The following RBM27 variants were observed in gnomAD, a reference collection of about 807,000 sequenced individuals.
RBM27 encodes the protein RNA binding motif protein 27, also known as RNA-binding protein 27.
A neutral mutation model predicts 135.3 loss-of-function variants in RBM27; 22 were observed. The ratio of observed to expected loss-of-function variants is 0.16; its 90% CI spans 0.12 to 0.23. The LOEUF (loss-of-function observed/expected upper bound fraction) is 0.23. Ranked by LOEUF, RBM27 falls within the 10% of genes least tolerant of loss-of-function variation. RBM27 has a pLI of 1.00. For synonymous variants in RBM27, 481 were observed against 442.4 expected (o/e 1.09, Z -1.10); for missense variants, 1,009 against 1,281.0 (o/e 0.79, Z 3.24).
chr5:146,269,735 A>G (rs1581230085), intron 17 of RBM27, 151 bp downstream of exon 17: 2 of 223,716 alleles, frequency 8.9e-6, no homozygotes, highest in Non-Finnish European at 1.7e-5. Context: ...AATCCTAATT[A>G]TAGTACCTTT....
chr5:146,259,835 C>G (rs1472427627), intron 11 of RBM27, among the ~76,000 whole-genome samples: 2 of 149,214 alleles, frequency 1.3e-5, no homozygotes, highest in Non-Finnish European at 1.5e-5. Context: ...TAGCCGGGCG[C>G]AGTGGCGGGC....
At chr5:146,204,972 A>T (rs566323471) in intron 1 of RBM27, among the ~76,000 whole-genome samples, 2 of 151,992 alleles carry the variant, frequency 1.3e-5, no homozygotes. Context: ...ATTTCGGCTC[A>T]CTGCAACCTC....
At chr5:146,224,948 C>G (rs774247842) in intron 3 of RBM27, among the ~76,000 whole-genome samples, 1 of 152,040 alleles carries the variant, frequency 6.6e-6, no homozygotes, top group Admixed American at 6.6e-5. Flanking sequence ...TGTCTTTTCA[C>G]CCCTAAGTAA....
chr5:146,269,100 A>C, intron 15 of RBM27, 107 bp from the exon 16 acceptor site: 2 of 670,374 alleles, frequency 3.0e-6, no homozygotes, highest in Non-Finnish European at 5.0e-6. Flanking sequence ...GGTGTCAGCT[A>C]TTTTTTTATT....
intron 8 of RBM27, among the ~76,000 whole-genome samples, chr5:146,245,745 G>A (rs773509293): frequency 1.4e-4 from 22 of 152,002 alleles, no homozygotes; most frequent in Admixed American, 5.9e-4. Flanking sequence ...GAGACTCAAC[G>A]GTATTGTAAA....
At position 146,229,866 on chromosome 5, in the gene RBM27, G is replaced by T; in HGVS notation, c.545G>T (p.Arg182Leu). ...KSRGLSRSRS[R>L]SRGRSKDRDP... is the part of the protein sequence containing the mutation. Reference sequence around the variant, plus strand: ...CGAGGCCTGAGTCGCAGTAGAAGCCGAAGTAGGGGGCGCAGCAAAGACCGG... The same window carrying T: ...CGAGGCCTGAGTCGCAGTAGAAGCCTAAGTAGGGGGCGCAGCAAAGACCGG... The change falls in exon 5 of 21, where the codon CGA becomes CTA. Residue 182 changes from arginine (R) to leucine (L), a missense_variant. Physicochemically the swap from Arg to Leu is moderately radical, Grantham distance 102. Coordinates refer to ENST00000265271, the MANE Select transcript of RBM27 (RefSeq NM_018989.2). 6.2e-7 allele frequency: 1 copy of T among 1,613,970 alleles called. No individual in the cohort carries two copies. The highest frequency in any genetic ancestry group is 8.5e-7 in the Non-Finnish European group (1 of 1,179,912).
At chr5:146,233,103 C>G (rs1320649215) in intron 6 of RBM27, among the ~76,000 whole-genome samples, 1 of 152,122 alleles carries the variant, frequency 6.6e-6, no homozygotes, top group Non-Finnish European at 1.5e-5. Flanking sequence ...CCCTTATTCT[C>G]CCCTACCCCA....
chr5:146,218,755 A>G (rs1042988111), intron 1 of RBM27, among the ~76,000 whole-genome samples: 2 of 152,200 alleles, frequency 1.3e-5, no homozygotes, highest in Admixed American at 1.3e-4. Context: ...TCCTTGATAT[A>G]TTTAGAACCT....
chr5:146,245,339 A>C (rs747591468), intron 8 of RBM27: 2 of 152,112 alleles, frequency 1.3e-5, no homozygotes, highest in Non-Finnish European at 2.9e-5. Flanking sequence ...TCTCTTTTCT[A>C]CCTTGCTTTT....
chr5:146,268,538 G>T (rs996594160), intron 15 of RBM27, among the ~76,000 whole-genome samples: 16 of 151,926 alleles, frequency 1.1e-4, no homozygotes, highest in African/African-American at 3.6e-4. Flanking sequence ...CACTATGCCC[G>T]GCCTACTCTA....
intron 19 of RBM27, among the ~76,000 whole-genome samples, chr5:146,272,783 C>G (rs1166364075): frequency 6.6e-6 from 1 of 151,858 alleles, no homozygotes; most frequent in East Asian, 1.9e-4. Context: ...GGCTTCACTT[C>G]AAGTGTTTTT....
At chr5:146,238,832 T>C (rs1757278955) in intron 8 of RBM27, among the ~76,000 whole-genome samples, 1 of 152,174 alleles carries the variant, frequency 6.6e-6, no homozygotes, top group African/African-American at 2.4e-5. Flanking sequence ...GGTTTTATCA[T>C]TTACTATCTT....
In RBM27 at chr5:146,203,654, G is replaced by C. The variant is rs532778746; in HGVS notation, c.-112G>C. 24 of 981,440 alleles carry C rather than the reference G, an allele frequency of 2.4e-5. No homozygotes were observed. Among genetic ancestry groups the C allele is most frequent in the South Asian group, 5.7e-5 (4 of 70,198 alleles). The allele number at this position is 981,440 out of a possible 1,614,324, so 60.8% of individuals were successfully genotyped here. On this transcript the variant is annotated 5_prime_UTR_variant, in exon 1 of 21. The change abolishes an upstream ATG in the 5' untranslated region. Transcript: ENST00000265271. ...GGAGTAGGTTGAAGTCTCCTAAGAT[G>C]CCCGGTGGGCTGGGGCACCGGGAGC...
chr5:146,267,370 C>T (rs946461924), intron 14 of RBM27, among the ~76,000 whole-genome samples: 1 of 152,080 alleles, frequency 6.6e-6, no homozygotes, highest in African/African-American at 2.4e-5. Context: ...ATTGGTCTTG[C>T]TTTTGTCTTG....
intron 14 of RBM27, among the ~76,000 whole-genome samples, chr5:146,265,771 G>A (rs558516047): frequency 1.3e-5 from 2 of 152,230 alleles, no homozygotes; most frequent in East Asian, 3.9e-4. Flanking sequence ...GAGCATTGTA[G>A]GGTAAATCAA....
At position 146,233,610 on chromosome 5, in the gene RBM27, A is replaced by G; in HGVS notation, c.1011A>G (p.Pro337=). 2 of 1,602,926 alleles carry G rather than the reference A, an allele frequency of 1.2e-6. No individual in the cohort carries two copies. Among genetic ancestry groups the G allele is most frequent in the Non-Finnish European group, 1.7e-6 (2 of 1,172,996 alleles). ...CTGGAATGTTAATGCCTCCAATGCC[A>G]GGTCCAGGCCCAGGCCCGGGCCCAG... ...PPPGMLMPPM[P]GPGPGPGPGP... The change falls in exon 7 of 21, where the codon CCA becomes CCG. Residue 337 remains proline (P), a synonymous_variant. Coordinates refer to ENST00000265271, the MANE Select transcript of RBM27 (RefSeq NM_018989.2).
At chr5:146,233,349 T>C in intron 6 of RBM27, 101 bp from the exon 7 acceptor site, 1 of 1,465,500 alleles carries the variant, frequency 6.8e-7, no homozygotes, top group Non-Finnish European at 9.0e-7. Flanking sequence ...AGAAAACCAC[T>C]TTGTAAATGA....
At chr5:146,239,472 C>CTTTTTTTTTTTTTTTTT (rs916182587) in intron 8 of RBM27, among the ~76,000 whole-genome samples, 4 of 55,360 alleles carry the variant, frequency 7.2e-5, no homozygotes, top group Non-Finnish European at 1.1e-4. Flanking sequence ...TTTTCCTTTT[C>CTTTTTTTTTTTTTTTTT]TTTTTTTTTT....
At chr5:146,243,602 A>G (rs1411187249) in intron 8 of RBM27, among the ~76,000 whole-genome samples, 1 of 152,246 alleles carries the variant, frequency 6.6e-6, no homozygotes, top group Admixed American at 6.5e-5. Context: ...AACTCGTACT[A>G]TAATTGGTAA....
Sources: allele counts gnomAD v4.1 joint callset (sites outside exome capture counted in the v4.1 genomes callset), GRCh38; gene constraint gnomAD v4.1.1; transcripts MANE v1.5; gene names NCBI Gene and HGNC (gene_info 2026-07-23, HGNC 2026-07-21).